Variants in TMED2 observed in about 807,000 individuals in gnomAD.
TMED2 encodes transmembrane p24 trafficking protein 2, also known as transmembrane emp24 domain-containing protein 2.
Under a neutral mutation model 17.5 loss-of-function variants are expected in TMED2, and 3 were observed. That is an observed-to-expected ratio of 0.17 (90% CI 0.08 to 0.44). The LOEUF (loss-of-function observed/expected upper bound fraction) is 0.44, where lower values mean the gene tolerates loss of function less well. TMED2 is among the 20% of genes least tolerant of loss of function. The pLI, the probability that TMED2 is intolerant of heterozygous loss-of-function variation, is 0.99. For synonymous variants in TMED2, 95 were observed against 91.0 expected, an observed-to-expected ratio of 1.04 and a Z score of -0.25; for missense variants, 149 against 254.8, an observed-to-expected ratio of 0.58 and a Z score of 2.83.
intron 3 of TMED2, among the ~76,000 whole-genome samples, chr12:123,594,792 C>T (rs1425277544): frequency 2.0e-5 from 3 of 151,912 alleles, no homozygotes; most frequent in Non-Finnish European, 4.4e-5. Flanking sequence ...GAGGCTGAGG[C>T]AGGAGAATCG....
rs189785449 is a variant in TMED2, at chr12:123,591,736, C to A, written c.481+1287C>A. On this transcript the variant is annotated intron_variant, in intron 3 of 3. Transcript: ENST00000262225. Reference sequence around the variant, plus strand: ...GGCGGAGGTTGCAGTGAGCTGATATCATGCCATTGCACTCCGGCCTGGCGA... The same window carrying A: ...GGCGGAGGTTGCAGTGAGCTGATATAATGCCATTGCACTCCGGCCTGGCGA... Among the ~76,000 whole-genome samples, 876 of 151,726 alleles carry A rather than the reference C, an allele frequency of 5.8e-3. 4 individuals carry two copies. Among genetic ancestry groups the A allele is most frequent in the Non-Finnish European group, 8.8e-3 (597 of 67,924 alleles).
At chr12:123,586,160 T>C (rs1431549539) in intron 1 of TMED2, 1 of 152,142 alleles carries the variant, frequency 6.6e-6, no homozygotes, top group Non-Finnish European at 1.5e-5. Flanking sequence ...AGAGACCACA[T>C]TTAAGGTGAG....
In TMED2 at chr12:123,596,734, C is replaced by T; in HGVS notation, c.*5C>T. 6.2e-7 allele frequency: 1 copy of T among 1,600,624 alleles called. No individual in the cohort carries two copies. The highest frequency in any genetic ancestry group is 1.1e-5 in the South Asian group (1 of 87,984). On this transcript the variant is annotated 3_prime_UTR_variant, in exon 4 of 4. Transcript: ENST00000262225. ...GAAGTCCGGAGAGTTGTTTAAAAAG[C>T]CTCTTCCTGATGATCCCAACTCAGA...
chr12:123,590,400 A>G lies in TMED2; in HGVS notation c.432A>G (p.Val144=), dbSNP rs776560449. ...INELAVAMTA[V]KHEQEYMEVR... ...AGCTAGCAGTGGCGATGACAGCTGT[A>G]AAGCACGAACAGGAATACATGGAAG... Residue 144 remains valine, a synonymous_variant, in exon 3 of 4, where the codon GTA becomes GTG. Coordinates refer to ENST00000262225, the MANE Select transcript of TMED2 (RefSeq NM_006815.4). 1.2e-6 allele frequency: 2 copies of G among 1,611,080 alleles called. No individual in the cohort carries two copies. Among genetic ancestry groups the G allele is most frequent in the Non-Finnish European group, 1.7e-6 (2 of 1,178,010 alleles).
In TMED2 at chr12:123,584,579, CGGCGGCGGCGGCTG is replaced by C; in HGVS notation, c.-57_-44del. 6.4e-7 allele frequency: 1 copy of C among 1,557,230 alleles called. No individual in the cohort carries two copies. The highest frequency in any genetic ancestry group is 2.3e-5 in the East Asian group (1 of 43,076). On this transcript the variant is annotated 5_prime_UTR_variant, in exon 1 of 4. Transcript: ENST00000262225. ...GAAGGCAGCGGGGCGGCGGCGGCGG[CGGCGGCGGCGGCTG>C]TGGAGGCCGCAGTCCGGGTCCTGGC...
chr12:123,587,249 C>T (rs541414686), intron 2 of TMED2, among the ~76,000 whole-genome samples: 4 of 152,150 alleles, frequency 2.6e-5, no homozygotes, highest in African/African-American at 9.6e-5. Flanking sequence ...TGGGTTCAAG[C>T]GATTCTCCCA....
chr12:123,595,628 A>G (rs1170120115), intron 3 of TMED2, among the ~76,000 whole-genome samples: 5 of 152,194 alleles, frequency 3.3e-5, no homozygotes, highest in African/African-American at 1.2e-4. Context: ...GGACGTTTCA[A>G]TGGTGAGGGA....
At chr12:123,590,509 G>T in intron 3 of TMED2, 60 bp downstream of exon 3, 1 of 1,375,742 alleles carries the variant, frequency 7.3e-7, no homozygotes, top group Non-Finnish European at 9.9e-7. Context: ...TTACTCAACA[G>T]CTTGCTCGTA....
Position 123,584,579 on chromosome 12 carries a change from CG to C in TMED2, c.-56del. On this transcript the variant is annotated 5_prime_UTR_variant, in exon 1 of 4. Coordinates refer to ENST00000262225, the MANE Select transcript of TMED2 (RefSeq NM_006815.4). ...GAAGGCAGCGGGGCGGCGGCGGCGG[CG>C]GCGGCGGCGGCTGTGGAGGCCGCAG... 6.4e-7 allele frequency: 1 copy of C among 1,557,230 alleles called. No homozygotes were observed. The highest frequency in any genetic ancestry group is 8.7e-7 in the Non-Finnish European group (1 of 1,155,016).
chr12:123,584,567 C>CGGCAGCGG lies in TMED2; in HGVS notation c.-67_-66insAGCGGGGC, dbSNP rs1886298184. 6 of 6,994 alleles carry CGGCAGCGG rather than the reference C, an allele frequency of 8.6e-4. No individual in the cohort carries two copies. Among genetic ancestry groups the CGGCAGCGG allele is most frequent in the South Asian group, 2.1e-3 (3 of 1,430 alleles). 0.4% of individuals were successfully genotyped at this position (6,994 alleles called of 1,614,324 possible). ...GGCGGTGGCTGAGAAGGCAGCGGGG[C>CGGCAGCGG]GGCGGCGGCGGCGGCGGCGGCGGCT... On this transcript the variant is annotated 5_prime_UTR_variant, in exon 1 of 4. Transcript: ENST00000262225.
intron 2 of TMED2, among the ~76,000 whole-genome samples, chr12:123,588,527 T>C (rs1953368478): frequency 6.6e-6 from 1 of 152,338 alleles, no homozygotes; most frequent in South Asian, 2.1e-4. Context: ...AAAATGTTGG[T>C]TGATGAATGT....
intron 1 of TMED2, among the ~76,000 whole-genome samples, chr12:123,585,373 C>T (rs143604047): frequency 3.8e-4 from 58 of 152,322 alleles, no homozygotes; most frequent in Admixed American, 6.5e-4. Flanking sequence ...CCTCCAGCTA[C>T]CTCGTTTAGT....
At chr12:123,590,564 A>G (rs77895354) in intron 3 of TMED2, 115 bp downstream of exon 3, 92,323 of 733,392 alleles carry the variant, frequency 0.13, 6,725 homozygotes, top group African/African-American at 0.23. Context: ...GAAAGCATTG[A>G]CTTTAAAAGT....
At chr12:123,595,049 T>C (rs960914497) in intron 3 of TMED2, among the ~76,000 whole-genome samples, 2 of 151,976 alleles carry the variant, frequency 1.3e-5, no homozygotes, top group African/African-American at 4.8e-5. Flanking sequence ...ACCAACATGG[T>C]GAAGCCCTAT....
At chr12:123,586,234 TTTAG>T in intron 1 of TMED2, 1 of 152,480 alleles carries the variant, frequency 6.6e-6, no homozygotes, top group Admixed American at 6.5e-5. Context: ...CTAAAGGTGT[TTTAG>T]AAAGCCATGA....
At chr12:123,587,600 C>T in intron 2 of TMED2, 3 of 1,277,496 alleles carry the variant, frequency 2.3e-6, no homozygotes, top group Non-Finnish European at 3.0e-6. Flanking sequence ...GATATCTTAA[C>T]TTTTCTTTAG....
intron 1 of TMED2, chr12:123,585,950 A>G (rs752193047): frequency 6.6e-6 from 1 of 152,230 alleles, no homozygotes; most frequent in African/African-American, 2.4e-5. Context: ...AAAAACCACA[A>G]ACGTTTATTA....
intron 3 of TMED2, 87 bp from the exon 4 acceptor site, chr12:123,596,518 A>T: frequency 6.7e-7 from 1 of 1,495,162 alleles, no homozygotes; most frequent in Non-Finnish European, 8.9e-7. Context: ...TTACTTTCAC[A>T]CAGAGTGAAG....
intron 2 of TMED2, among the ~76,000 whole-genome samples, chr12:123,588,070 C>A (rs766260993): frequency 1.3e-5 from 2 of 151,622 alleles, no homozygotes; most frequent in Non-Finnish European, 2.9e-5. Context: ...GACAAGAGTT[C>A]TTTTAGCCAT....
Sources: gnomAD v4.1 joint callset for allele counts (sites outside exome capture counted in the v4.1 genomes callset) on GRCh38, gnomAD v4.1.1 for gene constraint, MANE v1.5 for transcripts, NCBI Gene and HGNC (gene_info 2026-07-23, HGNC 2026-07-21) for gene names.